Variants in NALF1 observed in about 807,000 individuals in gnomAD.
NALF1 encodes family with sequence similarity 155 member A.
A neutral mutation model predicts 48.4 loss-of-function variants in NALF1; 3 were observed. The observed-to-expected ratio is 0.06, with a 90% confidence interval of 0.03 to 0.16. The LOEUF (loss-of-function observed/expected upper bound fraction) is 0.16, where lower values mean the gene tolerates loss of function less well. Among genes scored for constraint, NALF1 ranks in the 10% least tolerant of loss-of-function variants. The pLI is 1.00. For synonymous variants in NALF1, 262 were observed against 245.7 expected, an observed-to-expected ratio of 1.07 and a Z score of -0.62; for missense variants, 526 against 571.5, an observed-to-expected ratio of 0.92 and a Z score of 0.81.
chr13:107,759,673 T>G (rs1180818268), intron 1 of NALF1, among the ~76,000 whole-genome samples: 1 of 152,196 alleles, frequency 6.6e-6, no homozygotes, highest in Non-Finnish European at 1.5e-5. Context: ...TGTTCTCCCC[T>G]TACCTTACTG....
At chr13:107,641,771 G>A (rs960376951) in intron 1 of NALF1, among the ~76,000 whole-genome samples, 1 of 152,088 alleles carries the variant, frequency 6.6e-6, no homozygotes, top group Non-Finnish European at 1.5e-5. Context: ...CCGTGGCTGG[G>A]GGCCAACTCA....
intron 1 of NALF1, among the ~76,000 whole-genome samples, chr13:107,585,243 G>A (rs1878421724): frequency 6.6e-6 from 1 of 151,388 alleles, no homozygotes; most frequent in Non-Finnish European, 1.5e-5. Context: ...AATAGATACA[G>A]ATAAATTTGA....
intron 1 of NALF1, among the ~76,000 whole-genome samples, chr13:107,837,163 T>G (rs1879917508): frequency 6.6e-6 from 1 of 152,178 alleles, no homozygotes. Context: ...ATGTGTCCCC[T>G]AGCCCCCTTT....
At chr13:107,318,686 C>A (rs977796433) in intron 1 of NALF1, among the ~76,000 whole-genome samples, 1 of 152,034 alleles carries the variant, frequency 6.6e-6, no homozygotes, top group Non-Finnish European at 1.5e-5. Context: ...TTTGCCCCAA[C>A]GATTCTACTT....
intron 1 of NALF1, among the ~76,000 whole-genome samples, chr13:107,398,026 T>C (rs1184114598): frequency 1.3e-5 from 2 of 152,136 alleles, no homozygotes; most frequent in Non-Finnish European, 1.5e-5. Flanking sequence ...CCTGACAAGG[T>C]TCCAGAAGCA....
chr13:107,516,577 A>C (rs540472919), intron 1 of NALF1, among the ~76,000 whole-genome samples: 1 of 152,318 alleles, frequency 6.6e-6, no homozygotes, highest in South Asian at 2.1e-4. Context: ...TAAACAAAAC[A>C]ATTTAAGTAA....
At chr13:107,358,427 T>C (rs1318876181) in intron 1 of NALF1, among the ~76,000 whole-genome samples, 1 of 152,156 alleles carries the variant, frequency 6.6e-6, no homozygotes, top group Non-Finnish European at 1.5e-5. Flanking sequence ...ATTTAGTAAA[T>C]GCTCAGAAAC....
chr13:107,609,776 C>T (rs529296631), intron 1 of NALF1, among the ~76,000 whole-genome samples: 4 of 152,206 alleles, frequency 2.6e-5, no homozygotes, highest in Non-Finnish European at 5.9e-5. Context: ...ATTCAAAAGA[C>T]AAATAATATA....
chr13:107,696,016 C>T (rs1881692637), intron 1 of NALF1, among the ~76,000 whole-genome samples: 1 of 152,008 alleles, frequency 6.6e-6, no homozygotes, highest in African/African-American at 2.4e-5. Context: ...CCTGCCGCAG[C>T]CTCCTGAATA....
At chr13:107,634,435 G>A (rs140692368) in intron 1 of NALF1, among the ~76,000 whole-genome samples, 1 of 152,170 alleles carries the variant, frequency 6.6e-6, no homozygotes, top group East Asian at 1.9e-4. Flanking sequence ...AAAGGCAAAT[G>A]TAAGCATGAA....
chr13:107,521,757 C>G (rs1255048825), intron 1 of NALF1, among the ~76,000 whole-genome samples: 1 of 152,032 alleles, frequency 6.6e-6, no homozygotes, highest in Non-Finnish European at 1.5e-5. Context: ...GCCAAATAAA[C>G]TATATATACC....
intron 1 of NALF1, among the ~76,000 whole-genome samples, chr13:107,377,846 T>C (rs1317959139): frequency 2.6e-5 from 4 of 152,182 alleles, no homozygotes. Context: ...CATTTTTTAA[T>C]AATAAAGGTT....
intron 1 of NALF1, among the ~76,000 whole-genome samples, chr13:107,242,442 A>G (rs1880490328): frequency 6.6e-6 from 1 of 152,264 alleles, no homozygotes; most frequent in Non-Finnish European, 1.5e-5. Flanking sequence ...GTGGAAGAAC[A>G]GGCACCTCTG....
chr13:107,473,054 T>A (rs1885125677), intron 1 of NALF1, among the ~76,000 whole-genome samples: 1 of 152,250 alleles, frequency 6.6e-6, no homozygotes, highest in Non-Finnish European at 1.5e-5. Context: ...TCCTCTTGAA[T>A]GAGCATACTT....
chr13:107,324,381 G>A (rs953577605), intron 1 of NALF1, among the ~76,000 whole-genome samples: 23 of 152,214 alleles, frequency 1.5e-4, no homozygotes, highest in African/African-American at 5.5e-4. Context: ...ACTCACCAGA[G>A]ACAACCTCAA....
chr13:107,632,925 G>T, intron 1 of NALF1, among the ~76,000 whole-genome samples: 1 of 118,856 alleles, frequency 8.4e-6, no homozygotes, highest in Admixed American at 9.1e-5. Flanking sequence ...AAAAAAAAAG[G>T]AATGGCAAGG....
At chr13:107,806,148 C>T (rs1463069254) in intron 1 of NALF1, among the ~76,000 whole-genome samples, 1 of 152,066 alleles carries the variant, frequency 6.6e-6, no homozygotes, top group African/African-American at 2.4e-5. Context: ...AAGGCACATG[C>T]GTTTTAGAGG....
At chr13:107,615,660 T>C (rs1190507252) in intron 1 of NALF1, among the ~76,000 whole-genome samples, 2 of 152,312 alleles carry the variant, frequency 1.3e-5, no homozygotes, top group East Asian at 3.9e-4. Context: ...ACTCTCTGTG[T>C]GCCCTGATAT....
chr13:107,324,877 T>C (rs190150990), intron 1 of NALF1, among the ~76,000 whole-genome samples: 1 of 152,356 alleles, frequency 6.6e-6, no homozygotes, highest in Non-Finnish European at 1.5e-5. Flanking sequence ...TATTATTCAA[T>C]GCCATGTAGA....
Sources: allele counts gnomAD v4.1 joint callset (sites outside exome capture counted in the v4.1 genomes callset), GRCh38; gene constraint gnomAD v4.1.1; transcripts MANE v1.5; gene names NCBI Gene and HGNC (gene_info 2026-07-23, HGNC 2026-07-21).